Variants in PDLIM5 observed in about 807,000 individuals in gnomAD.
The protein encoded by PDLIM5 is PDZ and LIM domain 5.
Under a neutral mutation model 64.2 loss-of-function variants are expected in PDLIM5, and 34 were observed. The observed-to-expected ratio is 0.53, with a 90% CI of 0.40 to 0.71. PDLIM5 has a LOEUF of 0.71. Among genes scored for constraint, PDLIM5 ranks in the 30% least tolerant of loss-of-function variants. The pLI is 0.00. For synonymous variants in PDLIM5, 253 were observed against 269.1 expected, an observed-to-expected ratio of 0.94 and a Z score of 0.59; for missense variants, 683 against 733.6, an observed-to-expected ratio of 0.93 and a Z score of 0.80.
chr4:94,587,125 A>G (rs748636792), intron 7 of PDLIM5: 1 of 1,553,618 alleles, frequency 6.4e-7, no homozygotes, highest in Non-Finnish European at 8.6e-7. Flanking sequence ...ATACCTTTTC[A>G]TTTACTTTTT....
At chr4:94,513,536 A>G (rs574442634) in intron 2 of PDLIM5, among the ~76,000 whole-genome samples, 1 of 152,300 alleles carries the variant, frequency 6.6e-6, no homozygotes, top group African/African-American at 2.4e-5. Flanking sequence ...GCATATAGAA[A>G]TGCTACTGAT....
chr4:94,519,928 G>A (rs1729682837), intron 2 of PDLIM5, among the ~76,000 whole-genome samples: 1 of 152,092 alleles, frequency 6.6e-6, no homozygotes, highest in African/African-American at 2.4e-5. Context: ...TGTCATCCAT[G>A]ATTACAGATA....
chr4:94,612,148 G>A (rs977162187), intron 7 of PDLIM5, among the ~76,000 whole-genome samples: 8 of 152,254 alleles, frequency 5.3e-5, no homozygotes, highest in Admixed American at 6.5e-5. Context: ...AACCCGGGAG[G>A]CAGAAGTTGC....
At chr4:94,638,845 TCTCCAGACA>T (rs1257710808) in intron 8 of PDLIM5, among the ~76,000 whole-genome samples, 1 of 152,210 alleles carries the variant, frequency 6.6e-6, no homozygotes, top group Non-Finnish European at 1.5e-5. Context: ...TCATTTATTC[TCTCCAGACA>T]CTGTTAAGTT....
intron 2 of PDLIM5, among the ~76,000 whole-genome samples, chr4:94,520,815 T>C (rs1729767127): frequency 6.6e-6 from 1 of 152,138 alleles, no homozygotes; most frequent in Admixed American, 6.6e-5. Context: ...TGTGGAAAAC[T>C]CAAGATGATT....
chr4:94,461,931 C>G (rs944246836), intron 2 of PDLIM5, among the ~76,000 whole-genome samples: 3 of 152,200 alleles, frequency 2.0e-5, no homozygotes, highest in Admixed American at 1.3e-4. Context: ...GTGGCGCGAT[C>G]TCGGCTCACT....
intron 8 of PDLIM5, among the ~76,000 whole-genome samples, chr4:94,631,518 G>T (rs1422772084): frequency 1.3e-5 from 2 of 152,122 alleles, no homozygotes; most frequent in African/African-American, 4.8e-5. Context: ...TAAAATAGCA[G>T]AAATAAATCA....
intron 7 of PDLIM5, among the ~76,000 whole-genome samples, chr4:94,596,776 T>C (rs917434625): frequency 5.9e-5 from 9 of 152,068 alleles, no homozygotes; most frequent in African/African-American, 2.2e-4. Context: ...TATTATATTA[T>C]ATAGTATAAA....
chr4:94,452,729 G>C (rs968449184), intron 1 of PDLIM5, among the ~76,000 whole-genome samples: 1 of 152,140 alleles, frequency 6.6e-6, no homozygotes, highest in Non-Finnish European at 1.5e-5. Context: ...TCGTGGCGGC[G>C]CTGGGCAGGG....
chr4:94,578,737 T>G (rs1271346517), intron 5 of PDLIM5, among the ~76,000 whole-genome samples: 1 of 152,146 alleles, frequency 6.6e-6, no homozygotes, highest in African/African-American at 2.4e-5. Flanking sequence ...ACTATTATAT[T>G]TCCCAGATTT....
chr4:94,484,224 G>A (rs1726119271), intron 2 of PDLIM5, among the ~76,000 whole-genome samples: 1 of 152,114 alleles, frequency 6.6e-6, no homozygotes, highest in African/African-American at 2.4e-5. Context: ...CCGGCTTCTG[G>A]ATTCCCATTG....
chr4:94,589,081 A>T (rs1736473056), intron 7 of PDLIM5, among the ~76,000 whole-genome samples: 2 of 152,186 alleles, frequency 1.3e-5, no homozygotes, highest in Non-Finnish European at 2.9e-5. Context: ...ACTTTCTTAG[A>T]CCAGGCTTTC....
At chr4:94,565,763 C>A (rs944871666) in intron 3 of PDLIM5, among the ~76,000 whole-genome samples, 1 of 152,028 alleles carries the variant, frequency 6.6e-6, no homozygotes, top group Non-Finnish European at 1.5e-5. Context: ...TGGACTGAAA[C>A]CTGTTCTTTG....
intron 3 of PDLIM5, among the ~76,000 whole-genome samples, chr4:94,554,602 G>A (rs1304263020): frequency 6.6e-6 from 1 of 152,168 alleles, no homozygotes; most frequent in Non-Finnish European, 1.5e-5. Context: ...GCTAATAAAA[G>A]AGCTATTCAG....
At chr4:94,605,212 C>T (rs564620622) in intron 7 of PDLIM5, among the ~76,000 whole-genome samples, 25 of 152,118 alleles carry the variant, frequency 1.6e-4, no homozygotes, top group South Asian at 1.0e-3. Flanking sequence ...GGCAGTTGTC[C>T]GGACTAGGGG....
chr4:94,517,409 A>T (rs1272289815), intron 2 of PDLIM5, among the ~76,000 whole-genome samples: 1 of 152,212 alleles, frequency 6.6e-6, no homozygotes, highest in Non-Finnish European at 1.5e-5. Context: ...GGTACTGGAA[A>T]ATATATTTTA....
chr4:94,571,116 A>G (rs1448345458), intron 3 of PDLIM5, among the ~76,000 whole-genome samples: 2 of 152,218 alleles, frequency 1.3e-5, no homozygotes, highest in Non-Finnish European at 2.9e-5. Flanking sequence ...GATGCAGTTT[A>G]GCTTGATTCA....
chr4:94,454,840 C>T (rs917858491), intron 1 of PDLIM5, among the ~76,000 whole-genome samples: 1 of 152,174 alleles, frequency 6.6e-6, no homozygotes, highest in Non-Finnish European at 1.5e-5. Flanking sequence ...AGTTGAAAGA[C>T]TCTTGTCAAT....
At chr4:94,655,761 A>G (rs1050434750) in intron 10 of PDLIM5, among the ~76,000 whole-genome samples, 1 of 152,206 alleles carries the variant, frequency 6.6e-6, no homozygotes, top group Admixed American at 6.5e-5. Flanking sequence ...AGACCCAAAT[A>G]AAGTTCTGGG....
Sources: allele counts gnomAD v4.1 joint callset (sites outside exome capture counted in the v4.1 genomes callset), GRCh38; gene constraint gnomAD v4.1.1; transcripts MANE v1.5; gene names NCBI Gene and HGNC (gene_info 2026-07-23, HGNC 2026-07-21).